Variants in ADGRV1 observed in about 807,000 individuals in gnomAD.
The protein encoded by ADGRV1 is adhesion G protein-coupled receptor V1, also known as G-protein coupled receptor 98.
In ADGRV1, 359 loss-of-function variants were observed where a neutral mutation model predicts 596.2. The ratio of observed to expected loss-of-function variants is 0.60; its 90% CI spans 0.55 to 0.66. The LOEUF is 0.66. Among genes scored for constraint, ADGRV1 ranks in the 30% least tolerant of loss-of-function variants. ADGRV1 has a pLI of 0.00. For missense variants in ADGRV1, 7,274 were observed against 7,575.6 expected, an observed-to-expected ratio of 0.96 and a Z score of 1.48; for synonymous variants, 2,681 against 2,679.2, an observed-to-expected ratio of 1.00 and a Z score of -0.02.
chr5:91,086,435 T>C (rs1002381642), intron 86 of ADGRV1, among the ~76,000 whole-genome samples: 3 of 152,194 alleles, frequency 2.0e-5, no homozygotes, highest in Admixed American at 6.6e-5. Context: ...ATACTTTTTC[T>C]GGTTTTCCTA....
intron 85 of ADGRV1, among the ~76,000 whole-genome samples, chr5:91,020,252 A>G (rs1270018818): frequency 6.6e-6 from 1 of 151,976 alleles, no homozygotes; most frequent in Non-Finnish European, 1.5e-5. Flanking sequence ...GAGTAGGGCT[A>G]GGAATCTAAC....
At chr5:90,627,844 T>C in intron 7 of ADGRV1, 68 bp downstream of exon 7, 1 of 1,037,070 alleles carries the variant, frequency 9.6e-7, no homozygotes, top group Non-Finnish European at 1.4e-6. Flanking sequence ...AGTTTTGTGG[T>C]GTTGGACACA....
In ADGRV1 at chr5:90,795,029, G is replaced by T. The variant is rs543497805; in HGVS notation, c.14517+3683G>T. ...CTGGTGCCTACACCACCAGGGCCCT[G>T]GGTTTCAAGCACAAAACTGGGCAGC... On this transcript the variant is annotated intron_variant, in intron 70 of 89. Transcript: ENST00000405460. 3.8e-4 allele frequency among the ~76,000 whole-genome samples: 58 copies of T among 151,842 alleles called. No homozygotes were observed. The South Asian group carries it at 0.011, about 30-fold the overall frequency.
intron 87 of ADGRV1, among the ~76,000 whole-genome samples, chr5:91,137,964 A>G (rs1200045456): frequency 6.6e-6 from 1 of 152,252 alleles, no homozygotes; most frequent in Non-Finnish European, 1.5e-5. Flanking sequence ...TGTATCAAAT[A>G]GGATGGCTTC....
intron 87 of ADGRV1, among the ~76,000 whole-genome samples, chr5:91,126,497 A>C (rs1793768050): frequency 6.6e-6 from 1 of 152,188 alleles, no homozygotes; most frequent in Non-Finnish European, 1.5e-5. Context: ...CAAATAATAG[A>C]CTTAGTGAAG....
At chr5:90,625,470 C>T (rs1018278926) in intron 6 of ADGRV1, 1 of 352,192 alleles carries the variant, frequency 2.8e-6, no homozygotes, top group African/African-American at 2.1e-5. Flanking sequence ...AATATTTAAG[C>T]ATTTTGTATA....
At chr5:90,748,398 G>A (rs2438372) in intron 52 of ADGRV1, among the ~76,000 whole-genome samples, 58,096 of 151,996 alleles carry the variant, frequency 0.38, 12,173 homozygotes, top group Admixed American at 0.54. Flanking sequence ...TTAACCCAAT[G>A]TATCTGAAAT....
chr5:91,068,282 C>A (rs1196302911), intron 85 of ADGRV1, among the ~76,000 whole-genome samples: 6 of 151,546 alleles, frequency 4.0e-5, no homozygotes. Context: ...TGGTGAAACC[C>A]CATCTCTACT....
chr5:90,681,278 A>ATTTT, intron 26 of ADGRV1, 37 bp from the exon 27 acceptor site: 1 of 1,453,190 alleles, frequency 6.9e-7, no homozygotes, highest in African/African-American at 1.4e-5. Flanking sequence ...ACTGATCATC[A>ATTTT]TTTTTTTTTT....
At chr5:91,021,617 G>A (rs913989879) in intron 85 of ADGRV1, among the ~76,000 whole-genome samples, 1 of 152,046 alleles carries the variant, frequency 6.6e-6, no homozygotes, top group African/African-American at 2.4e-5. Flanking sequence ...CATCTCATCA[G>A]CTTTCATGTG....
intron 77 of ADGRV1, among the ~76,000 whole-genome samples, chr5:90,838,378 G>A (rs192997208): frequency 7.4e-4 from 112 of 151,880 alleles, no homozygotes; most frequent in African/African-American, 2.4e-3. Context: ...TGTTGGCTAT[G>A]TTGGTCTTCC....
chr5:91,060,805 T>TGTAGC (rs202192734), intron 85 of ADGRV1, among the ~76,000 whole-genome samples: 2,310 of 152,356 alleles, frequency 0.015, 31 homozygotes, highest in South Asian at 0.038. Flanking sequence ...TTTGTAACTA[T>TGTAGC]CACATAAAGC....
intron 86 of ADGRV1, among the ~76,000 whole-genome samples, chr5:91,097,901 AAATGGATTG>A (rs1453564856): frequency 2.6e-4 from 39 of 152,294 alleles, no homozygotes; most frequent in African/African-American, 8.7e-4. Context: ...TCCATGTTTC[AAATGGATTG>A]AATGGGTATT....
intron 1 of ADGRV1, among the ~76,000 whole-genome samples, chr5:90,581,191 G>A (rs1023916098): frequency 2.6e-5 from 4 of 152,080 alleles, no homozygotes; most frequent in Non-Finnish European, 5.9e-5. Context: ...CCTTGCGATA[G>A]GTTAGAACAT....
At chr5:90,739,635 G>A (rs986352133) in intron 50 of ADGRV1, among the ~76,000 whole-genome samples, 1 of 152,208 alleles carries the variant, frequency 6.6e-6, no homozygotes, top group Non-Finnish European at 1.5e-5. Flanking sequence ...AGTCAGAGCT[G>A]TTGCCTGGGC....
At chr5:90,781,606 A>T in intron 65 of ADGRV1, 28 bp downstream of exon 65, 2 of 1,577,850 alleles carry the variant, frequency 1.3e-6, no homozygotes, top group African/African-American at 1.4e-5. Context: ...GCTTGTAAGT[A>T]AGTTTACTAC....
intron 85 of ADGRV1, among the ~76,000 whole-genome samples, chr5:90,991,642 CA>C (rs1236229063): frequency 6.6e-6 from 1 of 152,120 alleles, no homozygotes; most frequent in Non-Finnish European, 1.5e-5. Context: ...ATACACTAAA[CA>C]AATCTTTATT....
Position 90,778,569 on chromosome 5 carries a change from C to G in ADGRV1, c.12809C>G (p.Ala4270Gly). 6.2e-7 allele frequency: 1 copy of G among 1,606,674 alleles called. No homozygotes were observed. The highest frequency in any genetic ancestry group is 1.3e-5 in the African/African-American group (1 of 74,680). ...AGCGACTCTCCCTATGGCCGATTTG[C>G]CTTTTCACATGAGCAACTTCGAGTG... ...VASDSPYGRF[A>G]FSHEQLRVSE... is the part of the protein sequence containing the mutation. Residue 4270 changes from alanine to glycine, a missense_variant, in exon 63 of 90, where the codon GCC becomes GGC. Transcript: ENST00000405460.
At chr5:90,796,567 G>A (rs1760741894) in intron 70 of ADGRV1, among the ~76,000 whole-genome samples, 1 of 152,196 alleles carries the variant, frequency 6.6e-6, no homozygotes, top group Non-Finnish European at 1.5e-5. Flanking sequence ...TTATCCAGGA[G>A]AGCTTCCCCA....
Sources: gnomAD v4.1 joint callset for allele counts (sites outside exome capture counted in the v4.1 genomes callset) on GRCh38, gnomAD v4.1.1 for gene constraint, MANE v1.5 for transcripts, NCBI Gene and HGNC (gene_info 2026-07-23, HGNC 2026-07-21) for gene names.